CMPK2: variants seen among roughly 807,000 people sequenced by gnomAD.
The protein encoded by CMPK2 is cytidine/uridine monophosphate kinase 2, also known as UMP-CMP kinase 2, mitochondrial.
In CMPK2, 32 loss-of-function variants were observed where a neutral mutation model predicts 33.4. The ratio of observed to expected loss-of-function variants is 0.96; its 90% confidence interval spans 0.72 to 1.29. The LOEUF (loss-of-function observed/expected upper bound fraction) is 1.29. Ranked by LOEUF, CMPK2 falls within the 50% of genes most tolerant of loss-of-function variation. The pLI is 0.00. For missense variants in CMPK2, 672 were observed against 616.0 expected, an observed-to-expected ratio of 1.09 and a Z score of -0.96; for synonymous variants, 299 against 275.3, an observed-to-expected ratio of 1.09 and a Z score of -0.85.
chr2:6,858,323 C>G (rs933440229), intron 3 of CMPK2, among the ~76,000 whole-genome samples: 1 of 151,884 alleles, frequency 6.6e-6, no homozygotes, highest in Admixed American at 6.6e-5. Context: ...TTGATTTTTC[C>G]TCTTCCCTGC....
Position 6,863,503 on chromosome 2 carries a change from T to C in CMPK2, c.751A>G (p.Lys251Glu), listed in dbSNP as rs774940126. The change falls in exon 2 of 5, where the codon AAG becomes GAG. Residue 251 changes from lysine to glutamate, a missense_variant. By Grantham distance (56) the Lys-to-Glu change is moderately conservative. Transcript: ENST00000256722. Reference protein sequence around the residue: ...DQCPKQIQKGKFQVVAIEGLD... With the variant: ...DQCPKQIQKGEFQVVAIEGLD... ...CCTTCGATGGCAACAACCTGGAACT[T>C]TCCTTTCTGGATCTGTTTTGGGCAC... The C allele has an allele frequency of 3.2e-5, 52 of 1,614,090 alleles. No homozygotes were observed. Among genetic ancestry groups the C allele is most frequent in the Non-Finnish European group, 4.2e-5 (50 of 1,180,044 alleles).
upstream of CMPK2, chr2:6,866,446 C>G: frequency 1.0e-6 from 1 of 985,658 alleles, no homozygotes; most frequent in Non-Finnish European, 1.2e-6. Context: ...GCTTTTCCCT[C>G]TTCTTGGAAT....
rs551843515 is a variant in CMPK2 at position 6,849,436 on chromosome 2, G to A, written c.*414C>T. Reference sequence around the variant, plus strand: ...GAAGAAGCCAATGTGGGCATGTCACGATCTCATCAGCATGCCAGTGTAGGA... The same window carrying A: ...GAAGAAGCCAATGTGGGCATGTCACAATCTCATCAGCATGCCAGTGTAGGA... On this transcript the variant is annotated 3_prime_UTR_variant, in exon 5 of 5. Transcript: ENST00000256722. 34 of 1,001,022 alleles carry A rather than the reference G, an allele frequency of 3.4e-5. No individual in the cohort carries two copies. The highest frequency in any genetic ancestry group is 2.6e-4 in the African/African-American group (15 of 57,486). The allele number at this position is 1,001,022 out of a possible 1,614,324, so 62.0% of individuals were successfully genotyped here.
At chr2:6,856,312 TAGGC>T (rs1392322478) in intron 3 of CMPK2, among the ~76,000 whole-genome samples, 1 of 152,190 alleles carries the variant, frequency 6.6e-6, no homozygotes, top group Non-Finnish European at 1.5e-5. Flanking sequence ...GTTGCATCTG[TAGGC>T]AGTTTAAGAA....
chr2:6,865,633 C>T lies in CMPK2; in HGVS notation c.64G>A (p.Val22Ile), dbSNP rs2103231251. ...LSGPLLGRRG[V>I]CAGAMAPPRR... is the part of the protein sequence containing the mutation. ...GGCGGAGCCATGGCCCCAGCGCAGA[C>T]CCCGCGCCGCCCGAGCAGCGGCCCC... The change falls in exon 1 of 5, where the codon GTC (valine) becomes ATC (isoleucine). Residue 22 changes from valine to isoleucine, a missense_variant. Transcript: ENST00000256722. 2 of 1,356,856 alleles carry T rather than the reference C, an allele frequency of 1.5e-6. No homozygotes were observed. Among genetic ancestry groups the T allele is most frequent in the South Asian group, 1.8e-5 (1 of 55,984 alleles). 84.1% of individuals were successfully genotyped at this position (1,356,856 alleles called of 1,614,324 possible).
rs1663061554 is a variant in CMPK2, at chr2:6,865,742, C to G, written c.-46G>C. On this transcript the variant is annotated 5_prime_UTR_variant, in exon 1 of 5. Transcript: ENST00000256722. ...CCTCGGCCCCGCCTCGGAAACGAAA[C>G]CTGGCGGGAGCCAGGCGCCGGCGGG... 2 of 1,276,710 alleles carry G rather than the reference C, an allele frequency of 1.6e-6. No homozygotes were observed. The highest frequency in any genetic ancestry group is 2.4e-5 in the South Asian group (1 of 41,574). 79.1% of individuals were successfully genotyped at this position (1,276,710 alleles called of 1,614,324 possible).
chr2:6,842,626 G>T (rs1293612904), intron 3 of CMPK2, among the ~76,000 whole-genome samples: 1 of 152,226 alleles, frequency 6.6e-6, no homozygotes, highest in Non-Finnish European at 1.5e-5. Flanking sequence ...TGGAAAGACT[G>T]AGGGTTGATG....
intron 2 of CMPK2, 102 bp downstream of exon 2, chr2:6,863,362 C>T (rs904871011): frequency 1.1e-6 from 1 of 945,332 alleles, no homozygotes; most frequent in Non-Finnish European, 1.7e-6. Flanking sequence ...TAGGGGCACA[C>T]ATAAGGCTCC....
downstream of CMPK2, among the ~76,000 whole-genome samples, chr2:6,845,258 T>C (rs888270472): frequency 6.6e-6 from 1 of 152,158 alleles, no homozygotes; most frequent in African/African-American, 2.4e-5. Flanking sequence ...GCCATGTCCT[T>C]GTACAATAGA....
rs533105038 is a variant in CMPK2, at chr2:6,865,546, C to T, written c.151G>A (p.Ala51Thr). 2.6e-5 allele frequency: 34 copies of T among 1,306,702 alleles called. No homozygotes were observed. The East Asian group carries it at 4.5e-4, about 17-fold the overall frequency. 80.9% of individuals were successfully genotyped at this position (1,306,702 alleles called of 1,614,324 possible). Reference sequence around the variant, plus strand: ...TCGGGGGCGTCTGCGTCGCCGGGGGCGTCGGCGCCTAGGGCGAAGTGAGCC... The same window carrying T: ...TCGGGGGCGTCTGCGTCGCCGGGGGTGTCGGCGCCTAGGGCGAAGTGAGCC... ...TLAHFALGAD[A>T]PGDADAPDPR... The change falls in exon 1 of 5, where the codon GCC becomes ACC. Residue 51 changes from alanine (A) to threonine (T), a missense_variant. By Grantham distance (58) the Ala-to-Thr change is moderately conservative. Transcript: ENST00000256722.
At chr2:6,848,313 G>A, downstream of CMPK2, 1 of 970,476 alleles carries the variant, frequency 1.0e-6, no homozygotes, top group Non-Finnish European at 1.2e-6. Flanking sequence ...CAGGATGACA[G>A]CATAGATTAG....
At chr2:6,844,594 G>A (rs1475923592), downstream of CMPK2, among the ~76,000 whole-genome samples, 1 of 152,094 alleles carries the variant, frequency 6.6e-6, no homozygotes, top group African/African-American at 2.4e-5. Context: ...GGGATCATTG[G>A]CATTCCAACT....
Position 6,848,509 on chromosome 2 carries a change from C to A in CMPK2, c.*1341G>T. Reference sequence around the variant, plus strand: ...GCTTTAAAATACTTTCAACTGAAATCAATTACATTTTAATATACACATATT... The same window carrying A: ...GCTTTAAAATACTTTCAACTGAAATAAATTACATTTTAATATACACATATT... On this transcript the variant is annotated 3_prime_UTR_variant, in exon 5 of 5. Coordinates refer to ENST00000256722, the MANE Select transcript of CMPK2 (RefSeq NM_207315.4). 1 of 967,296 alleles carries A rather than the reference C, an allele frequency of 1.0e-6. No individual in the cohort carries two copies. Among genetic ancestry groups the A allele is most frequent in the Non-Finnish European group, 1.2e-6 (1 of 813,428 alleles). The allele number at this position is 967,296 out of a possible 1,614,324, so 59.9% of individuals were successfully genotyped here.
chr2:6,859,267 C>T (rs1662804211), intron 3 of CMPK2, among the ~76,000 whole-genome samples: 1 of 152,190 alleles, frequency 6.6e-6, no homozygotes, highest in Non-Finnish European at 1.5e-5. Context: ...GATTTGCAGC[C>T]TGACAATGTG....
In CMPK2 at chr2:6,865,066, C is replaced by T; in HGVS notation, c.631G>A (p.Val211Met). ...HPVVPDLPSS[V>M]VFPDREAARA... Reference sequence around the variant, plus strand: ...GCGGCTTCCCGGTCCGGGAAGACCACGGAACTGGGCAAGTCTGGCACCACC... The same window carrying T: ...GCGGCTTCCCGGTCCGGGAAGACCATGGAACTGGGCAAGTCTGGCACCACC... Residue 211 changes from valine (V) to methionine (M), a missense_variant, in exon 1 of 5, where the codon GTG becomes ATG. Val to Met is a conservative substitution (Grantham distance 21). Transcript: ENST00000256722. 2 of 1,454,154 alleles carry T rather than the reference C, an allele frequency of 1.4e-6. No homozygotes were observed. The highest frequency in any genetic ancestry group is 1.8e-6 in the Non-Finnish European group (2 of 1,102,056). 90.1% of individuals were successfully genotyped at this position (1,454,154 alleles called of 1,614,324 possible). A position where few individuals can be genotyped will look rare whatever the true frequency, so the allele number is the denominator to read the frequency against.
chr2:6,859,570 C>G (rs2103225461), intron 3 of CMPK2, among the ~76,000 whole-genome samples: 2 of 152,304 alleles, frequency 1.3e-5, no homozygotes, highest in Middle Eastern at 3.4e-3. Context: ...GCTCTTGATT[C>G]AGAGGGGGAA....
chr2:6,849,682 C>A lies in CMPK2; in HGVS notation c.*168G>T. On this transcript the variant is annotated 3_prime_UTR_variant, in exon 5 of 5. Coordinates refer to ENST00000256722, the MANE Select transcript of CMPK2 (RefSeq NM_207315.4). ...CCTTTGTGATGACGGGTCCATCAGTCAGAAGAGGGTACGATGGCTGAAGTA... is the reference window on the plus strand; with the variant it reads ...CCTTTGTGATGACGGGTCCATCAGTAAGAAGAGGGTACGATGGCTGAAGTA... 6.8e-7 allele frequency: 1 copy of A among 1,469,456 alleles called. No homozygotes were observed. The highest frequency in any genetic ancestry group is 8.9e-7 in the Non-Finnish European group (1 of 1,121,024). The allele number at this position is 1,469,456 out of a possible 1,614,324, so 91.0% of individuals were successfully genotyped here.
intron 3 of CMPK2, among the ~76,000 whole-genome samples, chr2:6,852,760 TC>T (rs1265215976): frequency 3.3e-5 from 5 of 152,232 alleles, no homozygotes; most frequent in Non-Finnish European, 5.9e-5. Flanking sequence ...TAGAACGATT[TC>T]ATTTATCAGC....
In CMPK2 at chr2:6,849,337, A is replaced by C. The variant is rs1316050826; in HGVS notation, c.*513T>G. ...GCCAGGACACATAGACAGCCTCTGCAGGAACACTTGGCTCTAGAATTTGGG... is the reference window on the plus strand; with the variant it reads ...GCCAGGACACATAGACAGCCTCTGCCGGAACACTTGGCTCTAGAATTTGGG... On this transcript the variant is annotated 3_prime_UTR_variant, in exon 5 of 5. Transcript: ENST00000256722. The C allele has an allele frequency of 1.0e-6, 1 of 986,222 alleles. No individual in the cohort carries two copies. The highest frequency in any genetic ancestry group is 1.2e-6 in the Non-Finnish European group (1 of 830,644). 61.1% of individuals were successfully genotyped at this position (986,222 alleles called of 1,614,324 possible).
Sources: allele counts gnomAD v4.1 joint callset (sites outside exome capture counted in the v4.1 genomes callset), GRCh38; gene constraint gnomAD v4.1.1; transcripts MANE v1.5; gene names NCBI Gene and HGNC (gene_info 2026-07-23, HGNC 2026-07-21).